The following LINGO2 variants were observed in gnomAD, a reference collection of about 807,000 sequenced individuals.
LINGO2 encodes leucine rich repeat and Ig domain containing 2.
LINGO2 carries 14 observed loss-of-function variants against 30.6 expected under a neutral mutation model. That is an observed-to-expected ratio of 0.46 (90% CI 0.30 to 0.72). The LOEUF (loss-of-function observed/expected upper bound fraction) is 0.72. Ranked by LOEUF, LINGO2 falls within the 30% of genes least tolerant of loss-of-function variation. LINGO2 has a pLI of 0.07. For missense variants in LINGO2, 729 were observed against 751.7 expected, an observed-to-expected ratio of 0.97 and a Z score of 0.35; for synonymous variants, 317 against 288.5, an observed-to-expected ratio of 1.10 and a Z score of -1.00.
chr9:29,170,433 T>A, the LINGO2 span, among the ~76,000 whole-genome samples: 1 of 151,958 alleles, frequency 6.6e-6, no homozygotes, highest in South Asian at 2.1e-4. Flanking sequence ...ATAACAGACA[T>A]AGGAGACTAT....
At chr9:27,996,285 G>T (rs916149596) in intron 5 of LINGO2, among the ~76,000 whole-genome samples, 3 of 152,098 alleles carry the variant, frequency 2.0e-5, no homozygotes, top group Non-Finnish European at 4.4e-5. Context: ...TCTCACTGCT[G>T]TGTATATATA....
intron 3 of LINGO2, among the ~76,000 whole-genome samples, chr9:28,306,837 G>T (rs1824381271): frequency 6.6e-6 from 1 of 152,150 alleles, no homozygotes; most frequent in African/African-American, 2.4e-5. Flanking sequence ...AGAAGAAATG[G>T]ATAAATTCCT....
intron 4 of LINGO2, among the ~76,000 whole-genome samples, chr9:28,062,502 A>ATAT (rs200088665): frequency 2.8e-5 from 4 of 142,566 alleles, no homozygotes; most frequent in African/African-American, 1.1e-4. Context: ...TATACTATAC[A>ATAT]TGTATATATA....
At chr9:28,432,238 G>A (rs1823709214) in intron 2 of LINGO2, among the ~76,000 whole-genome samples, 1 of 151,942 alleles carries the variant, frequency 6.6e-6, no homozygotes, top group Admixed American at 6.6e-5. Flanking sequence ...AATGACTATT[G>A]GGGGAGATAG....
At chr9:27,951,956 A>T (rs1474065344) in intron 5 of LINGO2, among the ~76,000 whole-genome samples, 2 of 152,162 alleles carry the variant, frequency 1.3e-5, no homozygotes, top group African/African-American at 4.8e-5. Context: ...GAATCACTAA[A>T]TCACTAGAAA....
intron 4 of LINGO2, among the ~76,000 whole-genome samples, chr9:28,242,221 C>A (rs902062960): frequency 1.3e-5 from 2 of 152,042 alleles, no homozygotes; most frequent in East Asian, 1.9e-4. Flanking sequence ...AAGCTGAGAA[C>A]CTTGACAAAA....
At position 28,651,230 on chromosome 9, in the gene LINGO2, C is replaced by G. The variant is rs138325542; in HGVS notation, c.-365+18970G>C. ...GGGTTAGTACAGAAGAGGACCTACTCTGACATGTTCTTAACAGCTTGACCA... is the reference window on the plus strand; with the variant it reads ...GGGTTAGTACAGAAGAGGACCTACTGTGACATGTTCTTAACAGCTTGACCA... On this transcript the variant is annotated intron_variant, in intron 1 of 5. Transcript: ENST00000379992. 5.0e-4 allele frequency among the ~76,000 whole-genome samples: 76 copies of G among 152,064 alleles called. 1 individual carries two copies. Among genetic ancestry groups the G allele is most frequent in the African/African-American group, 1.7e-3 (71 of 41,476 alleles).
At chr9:28,105,803 CTACAA>C (rs1826572025) in intron 4 of LINGO2, among the ~76,000 whole-genome samples, 5 of 152,112 alleles carry the variant, frequency 3.3e-5, no homozygotes, top group Non-Finnish European at 5.9e-5. Flanking sequence ...AGGTGGCTGT[CTACAA>C]GCCAGGAGGA....
chr9:28,841,677 T>C, the LINGO2 span, among the ~76,000 whole-genome samples: 31 of 151,532 alleles, frequency 2.0e-4, 1 homozygote, highest in African/African-American at 7.6e-4. Context: ...GGGTTGGGAA[T>C]TGCAATTTTA....
chr9:28,239,765 T>TA (rs1464418778), intron 4 of LINGO2, among the ~76,000 whole-genome samples: 1 of 152,148 alleles, frequency 6.6e-6, no homozygotes, highest in Non-Finnish European at 1.5e-5. Context: ...TTCAATATTG[T>TA]ACTGGAAGTC....
intron 4 of LINGO2, among the ~76,000 whole-genome samples, chr9:28,049,594 C>G (rs1441809282): frequency 1.3e-5 from 2 of 150,552 alleles, no homozygotes; most frequent in African/African-American, 2.5e-5. Context: ...GATTTTACCG[C>G]TTATTAGCTT....
At chr9:28,677,270 G>T in the LINGO2 span, among the ~76,000 whole-genome samples, 1 of 152,044 alleles carries the variant, frequency 6.6e-6, no homozygotes. Context: ...ACCAATAATG[G>T]CATTCGGATA....
intron 3 of LINGO2, among the ~76,000 whole-genome samples, chr9:28,321,497 A>G (rs1825040236): frequency 6.6e-6 from 1 of 152,184 alleles, no homozygotes; most frequent in African/African-American, 2.4e-5. Flanking sequence ...GTGCCAGTGA[A>G]TTGATGTGCT....
At chr9:28,093,774 C>T (rs529421385) in intron 4 of LINGO2, among the ~76,000 whole-genome samples, 3 of 151,952 alleles carry the variant, frequency 2.0e-5, no homozygotes, top group African/African-American at 7.2e-5. Flanking sequence ...CAGACTGAGC[C>T]ACGAGAAAGC....
the LINGO2 span, among the ~76,000 whole-genome samples, chr9:28,914,802 T>C: frequency 6.6e-6 from 1 of 152,200 alleles, no homozygotes; most frequent in East Asian, 1.9e-4. Flanking sequence ...GATCAAACTT[T>C]ACAATCACTA....
chr9:28,802,575 T>C, the LINGO2 span, among the ~76,000 whole-genome samples: 2 of 151,798 alleles, frequency 1.3e-5, no homozygotes, highest in Admixed American at 1.3e-4. Flanking sequence ...CAGTGGTAAG[T>C]CTAATTTTGT....
chr9:28,439,523 C>A (rs1824101701), intron 2 of LINGO2, among the ~76,000 whole-genome samples: 1 of 152,012 alleles, frequency 6.6e-6, no homozygotes, highest in Non-Finnish European at 1.5e-5. Flanking sequence ...AGGTGACTGA[C>A]TCATAGGGGC....
chr9:28,336,800 A>C (rs35101509), intron 3 of LINGO2, among the ~76,000 whole-genome samples: 26,375 of 151,848 alleles, frequency 0.17, 2,985 homozygotes, highest in Non-Finnish European at 0.25. Flanking sequence ...GCAAAAAAAA[A>C]CCACCTCATT....
chr9:28,491,446 A>G (rs1336409616), intron 1 of LINGO2, among the ~76,000 whole-genome samples: 2 of 152,164 alleles, frequency 1.3e-5, no homozygotes, highest in Non-Finnish European at 2.9e-5. Context: ...TGCAAAATCT[A>G]TGTTACCAAA....
Sources: gnomAD v4.1 joint callset for allele counts (sites outside exome capture counted in the v4.1 genomes callset) on GRCh38, gnomAD v4.1.1 for gene constraint, MANE v1.5 for transcripts, NCBI Gene and HGNC (gene_info 2026-07-23, HGNC 2026-07-21) for gene names.